The following STK39 variants were observed in gnomAD, a reference collection of about 807,000 sequenced individuals.
The protein encoded by STK39 is STE20/SPS1-related proline-alanine-rich protein kinase.
In STK39, 20 loss-of-function variants were observed where a neutral mutation model predicts 77.8. The ratio of observed to expected loss-of-function variants is 0.26; its 90% CI spans 0.18 to 0.37. The LOEUF is 0.37. STK39 is among the 10% of genes least tolerant of loss of function. The pLI is 1.00. For missense variants in STK39, 479 were observed against 656.5 expected, an observed-to-expected ratio of 0.73 and a Z score of 2.95; for synonymous variants, 246 against 234.1, an observed-to-expected ratio of 1.05 and a Z score of -0.47.
chr2:168,028,168 T>A (rs566807580), intron 14 of STK39, among the ~76,000 whole-genome samples: 1 of 152,316 alleles, frequency 6.6e-6, no homozygotes, highest in South Asian at 2.1e-4. Flanking sequence ...CATAATAGTT[T>A]CAAAAATTAT....
chr2:168,035,531 C>T (rs893548449), intron 14 of STK39, among the ~76,000 whole-genome samples: 9 of 152,082 alleles, frequency 5.9e-5, no homozygotes, highest in African/African-American at 2.2e-4. Flanking sequence ...GTGATCAAGT[C>T]CATCTAGGAA....
intron 12 of STK39, 133 bp downstream of exon 12, chr2:168,074,849 G>T: frequency 9.7e-7 from 1 of 1,033,124 alleles, no homozygotes; most frequent in Non-Finnish European, 1.4e-6. Context: ...ATTAGGAGCT[G>T]CAAAGTCCTC....
intron 5 of STK39, among the ~76,000 whole-genome samples, chr2:168,157,305 G>A (rs1405796410): frequency 1.3e-5 from 2 of 152,332 alleles, no homozygotes; most frequent in Non-Finnish European, 2.9e-5. Context: ...ATGCACATAC[G>A]TGAGGCATTT....
At chr2:168,034,593 C>T (rs1033079268) in intron 14 of STK39, among the ~76,000 whole-genome samples, 1 of 152,224 alleles carries the variant, frequency 6.6e-6, no homozygotes, top group African/African-American at 2.4e-5. Flanking sequence ...ATGTTACACA[C>T]TCTCCAGCAT....
chr2:168,081,590 T>C (rs1686232535), intron 10 of STK39, among the ~76,000 whole-genome samples: 1 of 152,018 alleles, frequency 6.6e-6, no homozygotes. Flanking sequence ...CTGAAATGAG[T>C]TCTGACTCAT....
chr2:168,183,118 C>A (rs185145454), intron 1 of STK39, among the ~76,000 whole-genome samples: 1 of 152,146 alleles, frequency 6.6e-6, no homozygotes, highest in Non-Finnish European at 1.5e-5. Flanking sequence ...ATTTCTAGTG[C>A]GAATCAGGGC....
intron 1 of STK39, among the ~76,000 whole-genome samples, chr2:168,184,270 T>C (rs1689151785): frequency 6.6e-6 from 1 of 152,228 alleles, no homozygotes; most frequent in South Asian, 2.1e-4. Context: ...GAGAAAAATC[T>C]TTTATTAAAG....
intron 4 of STK39, among the ~76,000 whole-genome samples, chr2:168,162,567 T>C (rs1688601954): frequency 6.6e-6 from 1 of 152,052 alleles, no homozygotes; most frequent in South Asian, 2.1e-4. Flanking sequence ...CTTAATTATC[T>C]TTCTGAAAAA....
At chr2:168,018,141 A>G (rs1301554520) in intron 14 of STK39, among the ~76,000 whole-genome samples, 1 of 152,206 alleles carries the variant, frequency 6.6e-6, no homozygotes, top group Non-Finnish European at 1.5e-5. Context: ...ACTTCTTGTA[A>G]GAACACTAAA....
intron 1 of STK39, among the ~76,000 whole-genome samples, chr2:168,243,723 T>C (rs1690830242): frequency 1.3e-5 from 2 of 152,232 alleles, no homozygotes; most frequent in South Asian, 4.1e-4. Context: ...GAGAAGTTCA[T>C]TGAGGCTGCT....
chr2:168,049,542 G>C (rs538779581), intron 14 of STK39, among the ~76,000 whole-genome samples: 2 of 152,318 alleles, frequency 1.3e-5, no homozygotes, highest in East Asian at 3.9e-4. Context: ...TACTAAACAG[G>C]AGTGTTTAAC....
rs117315742 is a variant in STK39, at chr2:168,061,429, T to C, written c.1376+2071A>G. Among the ~76,000 whole-genome samples the C allele has an allele frequency of 3.8e-4, 53 of 140,794 alleles. 1 individual carries two copies. The East Asian group carries it at 0.011, about 28-fold the overall frequency. The allele number at this position is 140,794 out of a possible 152,430, so 92.4% of individuals were successfully genotyped here. A position where few individuals can be genotyped will look rare whatever the true frequency, so the allele number is the denominator to read the frequency against. On this transcript the variant is annotated intron_variant, in intron 14 of 17. Transcript: ENST00000355999. ...ACAAATTATCTTCCTGTAGAACTTC[T>C]TAAAATATTTAATGTTAATATTCCT...
rs78922175 is a variant in STK39 at position 168,244,130 on chromosome 2, G to C, written c.208+3098C>G. ...CGATTTTACATCATTTCCAGGTCAT[G>C]AATAAACTTATGAACCAGAATACTC... On this transcript the variant is annotated intron_variant, in intron 1 of 17. Coordinates refer to ENST00000355999, the MANE Select transcript of STK39 (RefSeq NM_013233.3). Among the ~76,000 whole-genome samples the C allele has an allele frequency of 9.1e-3, 1,384 of 152,288 alleles. 13 individuals carry two copies. Among genetic ancestry groups the C allele is most frequent in the Non-Finnish European group, 0.014 (956 of 68,010 alleles).
intron 17 of STK39, among the ~76,000 whole-genome samples, chr2:167,955,980 A>C (rs1308788014): frequency 6.6e-6 from 1 of 152,200 alleles, no homozygotes; most frequent in Non-Finnish European, 1.5e-5. Context: ...AGCAGAAGAG[A>C]TCTAACAGGT....
In STK39 at chr2:168,039,598, CCAAAAAAAAAA is replaced by C. The variant is rs1574413194; in HGVS notation, c.1377-22514_1377-22504del. Among the ~76,000 whole-genome samples, 9 of 130,766 alleles carry C rather than the reference CCAAAAAAAAAA, an allele frequency of 6.9e-5. 1 individual carries two copies. Among genetic ancestry groups the C allele is most frequent in the South Asian group, 4.9e-4 (2 of 4,048 alleles). 85.8% of individuals were successfully genotyped at this position (130,766 alleles called of 152,430 possible). On this transcript the variant is annotated intron_variant, in intron 14 of 17. Transcript: ENST00000355999. The stretch of plus-strand genomic sequence containing the variant: ...TGGGCGACAGAGCGAGACTCCGTCT[CCAAAAAAAAAA>C]AAAAAAAAAAAAAGCAGATCAGTGA...
chr2:168,167,820 T>A (rs928243974), intron 2 of STK39, among the ~76,000 whole-genome samples: 5 of 152,148 alleles, frequency 3.3e-5, no homozygotes, highest in African/African-American at 9.7e-5. Flanking sequence ...CTCTGGTGGA[T>A]CTTAGCTCCT....
intron 8 of STK39, 23 bp downstream of exon 8, chr2:168,138,065 C>T (rs1242382609): frequency 1.2e-6 from 2 of 1,610,408 alleles, no homozygotes; most frequent in African/African-American, 1.3e-5. Flanking sequence ...AGGTCATTAA[C>T]TCATCCACTA....
intron 14 of STK39, among the ~76,000 whole-genome samples, chr2:168,044,674 T>C (rs1190008826): frequency 6.6e-6 from 1 of 152,222 alleles, no homozygotes; most frequent in Non-Finnish European, 1.5e-5. Flanking sequence ...TCATGCACTT[T>C]GTTGCACTGT....
chr2:168,065,507 AGT>A, intron 12 of STK39, 126 bp from the exon 13 acceptor site: 1 of 992,126 alleles, frequency 1.0e-6, no homozygotes, highest in Non-Finnish European at 1.6e-6. Context: ...TATTTACCAA[AGT>A]GTGGCTCTTT....
Sources: gnomAD v4.1 joint callset for allele counts (sites outside exome capture counted in the v4.1 genomes callset) on GRCh38, gnomAD v4.1.1 for gene constraint, MANE v1.5 for transcripts, NCBI Gene and HGNC (gene_info 2026-07-23, HGNC 2026-07-21) for gene names.